ZBTB37: variants seen among roughly 807,000 people sequenced by gnomAD.
ZBTB37 encodes the protein zinc finger and BTB domain-containing protein 37.
A neutral mutation model predicts 37.7 loss-of-function variants in ZBTB37; 15 were observed. The ratio of observed to expected loss-of-function variants is 0.40; its 90% CI spans 0.27 to 0.61. The LOEUF is 0.61. Among genes scored for constraint, ZBTB37 ranks in the 20% least tolerant of loss-of-function variants. ZBTB37 has a pLI of 0.44. For missense variants in ZBTB37, 514 were observed against 641.9 expected (o/e 0.80, Z 2.15); for synonymous variants, 231 against 220.6 (o/e 1.05, Z -0.42).
intron 4 of ZBTB37, among the ~76,000 whole-genome samples, chr1:173,875,107 C>T (rs997845485): frequency 7.6e-6 from 1 of 131,914 alleles, no homozygotes; most frequent in African/African-American, 2.9e-5. Flanking sequence ...AATCGAAAGT[C>T]TGATTATTAT....
At chr1:173,882,242 T>C (rs1180361484) in intron 4 of ZBTB37, among the ~76,000 whole-genome samples, 6 of 132,946 alleles carry the variant, frequency 4.5e-5, no homozygotes, top group East Asian at 4.2e-4. Context: ...AGTTTCTTTT[T>C]TTTTTTTTTT....
chr1:173,894,352 C>A (rs1656963107), exon 4 of ZBTB37: 1 of 152,172 alleles, frequency 6.6e-6, no homozygotes, highest in South Asian at 2.1e-4. Context: ...ATTCTCCTCC[C>A]TGTGACAACG....
chr1:173,894,590 G>GA (rs1406505307), exon 4 of ZBTB37: 2 of 152,154 alleles, frequency 1.3e-5, no homozygotes, highest in African/African-American at 2.4e-5. Flanking sequence ...CTGGGCAGAA[G>GA]AATCTAGTCA....
chr1:173,901,421 T>G (rs1480328584), exon 4 of ZBTB37: 4 of 148,898 alleles, frequency 2.7e-5, no homozygotes, highest in Non-Finnish European at 6.0e-5. Flanking sequence ...TTTTTTTTTT[T>G]GAGACAGGGT....
chr1:173,888,265 T>G (rs954752773), downstream of ZBTB37: 5 of 152,110 alleles, frequency 3.3e-5, no homozygotes, highest in Non-Finnish European at 4.4e-5. Flanking sequence ...CAACTGGTAA[T>G]AAGGTTTTCA....
chr1:173,889,864 A>T (rs905916799), downstream of ZBTB37: 1 of 152,106 alleles, frequency 6.6e-6, no homozygotes. Context: ...GGAAAATTTT[A>T]TTTTTTGTCA....
chr1:173,873,599 G>A (rs764885586), intron 4 of ZBTB37, 33 bp downstream of exon 4: 2 of 1,612,858 alleles, frequency 1.2e-6, no homozygotes, highest in Non-Finnish European at 1.7e-6. Context: ...CTGCTTTGGT[G>A]GTTGGAGGAA....
chr1:173,880,586 C>G (rs1178428991), intron 4 of ZBTB37, among the ~76,000 whole-genome samples: 3 of 152,090 alleles, frequency 2.0e-5, no homozygotes, highest in Non-Finnish European at 4.4e-5. Context: ...GCAGAATGTC[C>G]CTGTGCTTAC....
intron 4 of ZBTB37, among the ~76,000 whole-genome samples, chr1:173,884,342 C>G (rs1656503753): frequency 1.3e-5 from 2 of 151,794 alleles, no homozygotes; most frequent in South Asian, 4.2e-4. Flanking sequence ...ATTTTTTGTA[C>G]AGGTGGGGTC....
At chr1:173,885,609 C>G in intron 4 of ZBTB37, 27 bp from the exon 5 acceptor site, 2 of 1,506,764 alleles carry the variant, frequency 1.3e-6, no homozygotes, top group Non-Finnish European at 8.9e-7. Flanking sequence ...TTTGTTCTTT[C>G]TTGGTTATTT....
intron 4 of ZBTB37, among the ~76,000 whole-genome samples, chr1:173,875,191 A>G (rs1370472552): frequency 6.6e-6 from 1 of 151,212 alleles, no homozygotes; most frequent in Non-Finnish European, 1.5e-5. Context: ...TATATGTAGT[A>G]TACACACACT....
chr1:173,902,300 T>C (rs1557899294), exon 4 of ZBTB37: 1 of 152,266 alleles, frequency 6.6e-6, no homozygotes, highest in East Asian at 1.9e-4. Flanking sequence ...ATTTATCTAA[T>C]ATTTTTTACA....
exon 3 of ZBTB37, chr1:173,870,393 T>C (rs1177670804): frequency 4.3e-6 from 7 of 1,614,206 alleles, no homozygotes; most frequent in Non-Finnish European, 5.1e-6. Flanking sequence ...GCTCCCCCTA[T>C]TTCCGGGATC....
At chr1:173,899,576 A>G (rs563087644) in exon 4 of ZBTB37, 1 of 152,326 alleles carries the variant, frequency 6.6e-6, no homozygotes, top group South Asian at 2.1e-4. Context: ...TTACAGGACT[A>G]GTTGACCCAG....
Position 173,868,909 on chromosome 1 carries a change from A to T in ZBTB37, c.-225-16A>T, listed in dbSNP as rs528080670. On this transcript the variant is annotated splice_polypyrimidine_tract_variant and intron_variant, in intron 1 of 4. Transcript: ENST00000427304. Reference sequence around the variant, plus strand: ...AGTGGCCAACCCCATGCCGTTCCCAATTCTCCCTTTTACAGCTCTCACCCC... The same window carrying T: ...AGTGGCCAACCCCATGCCGTTCCCATTTCTCCCTTTTACAGCTCTCACCCC... 1.2e-4 allele frequency: 18 copies of T among 152,744 alleles called. No homozygotes were observed. The highest frequency in any genetic ancestry group is 4.3e-4 in the African/African-American group (18 of 41,544). 9.5% of individuals were successfully genotyped at this position (152,744 alleles called of 1,614,324 possible).
At chr1:173,878,273 CT>C (rs1362208745) in intron 4 of ZBTB37, among the ~76,000 whole-genome samples, 29 of 152,250 alleles carry the variant, frequency 1.9e-4, no homozygotes, top group African/African-American at 6.7e-4. Context: ...TATGTTGTTC[CT>C]TTTTTATTTG....
chr1:173,887,382 A>G (rs555006784), downstream of ZBTB37: 1 of 152,328 alleles, frequency 6.6e-6, no homozygotes, highest in African/African-American at 2.4e-5. Context: ...CTTTTTAATA[A>G]TATACTACAG....
exon 5 of ZBTB37, chr1:173,886,127 C>A (rs561515404): frequency 6.2e-5 from 96 of 1,548,596 alleles, no homozygotes; most frequent in Non-Finnish European, 7.2e-5. Context: ...CAGACTGAAA[C>A]ATCCAGGGGG....
exon 3 of ZBTB37, chr1:173,870,732 C>T (rs1038211445): frequency 1.9e-6 from 3 of 1,614,014 alleles, no homozygotes; most frequent in South Asian, 2.2e-5. Context: ...GACATAATAC[C>T]CCAAAGGGAA....
Sources: gnomAD v4.1 joint callset for allele counts (sites outside exome capture counted in the v4.1 genomes callset) on GRCh38, gnomAD v4.1.1 for gene constraint, MANE v1.5 for transcripts, NCBI Gene and HGNC (gene_info 2026-07-23, HGNC 2026-07-21) for gene names.